Variants in LRBA observed in about 807,000 individuals in gnomAD.
The protein encoded by LRBA is LPS responsive beige-like anchor protein.
Under a neutral mutation model 330.0 loss-of-function variants are expected in LRBA, and 176 were observed. The observed-to-expected ratio is 0.53, with a 90% CI of 0.47 to 0.60. The LOEUF (loss-of-function observed/expected upper bound fraction) is 0.60. LRBA is among the 20% of genes least tolerant of loss of function. LRBA has a pLI of 0.00. For missense variants in LRBA, 3,259 were observed against 3,444.8 expected (o/e 0.95, Z 1.35); for synonymous variants, 1,230 against 1,193.0 (o/e 1.03, Z -0.64).
At chr4:150,453,475 C>A (rs540948058) in intron 44 of LRBA, among the ~76,000 whole-genome samples, 3 of 152,088 alleles carry the variant, frequency 2.0e-5, no homozygotes, top group Admixed American at 1.3e-4. Context: ...AAAAAATGAA[C>A]CTTAACTCTT....
At chr4:150,636,478 G>T (rs1248074239) in intron 37 of LRBA, among the ~76,000 whole-genome samples, 1 of 151,980 alleles carries the variant, frequency 6.6e-6, no homozygotes, top group Non-Finnish European at 1.5e-5. Context: ...GCACAAAAAG[G>T]TGCTATGAGC....
intron 47 of LRBA, among the ~76,000 whole-genome samples, chr4:150,353,725 C>T (rs899154444): frequency 3.9e-5 from 6 of 152,154 alleles, no homozygotes; most frequent in African/African-American, 1.2e-4. Context: ...ATGGTTCAGA[C>T]CTCACCTTAC....
At position 150,948,268 on chromosome 4, in the gene LRBA, G is replaced by A. The variant is rs375206492; in HGVS notation, c.217-19203C>T. On this transcript the variant is annotated intron_variant, in intron 2 of 56. Transcript: ENST00000651943. Reference sequence around the variant, plus strand: ...CAGCAATCAACACTGTGAGGAACTGGTGGAGGGGCAGACACATAAATCAAT... The same window carrying A: ...CAGCAATCAACACTGTGAGGAACTGATGGAGGGGCAGACACATAAATCAAT... 1.2e-4 allele frequency among the ~76,000 whole-genome samples: 19 copies of A among 152,150 alleles called. No individual in the cohort carries two copies. The South Asian group carries it at 3.9e-3, about 32-fold the overall frequency.
intron 52 of LRBA, among the ~76,000 whole-genome samples, chr4:150,309,838 T>A (rs1730829363): frequency 6.6e-6 from 1 of 152,192 alleles, no homozygotes; most frequent in African/African-American, 2.4e-5. Context: ...AATGAGTCTT[T>A]CAAGTAGGAA....
chr4:150,710,792 G>A (rs1403432108), intron 36 of LRBA, among the ~76,000 whole-genome samples: 2 of 151,906 alleles, frequency 1.3e-5, no homozygotes, highest in Non-Finnish European at 2.9e-5. Context: ...TACCAATAAC[G>A]TGAGGAAAGA....
chr4:150,851,680 T>C (rs1396692151), intron 23 of LRBA, among the ~76,000 whole-genome samples: 2 of 152,174 alleles, frequency 1.3e-5, no homozygotes, highest in Non-Finnish European at 2.9e-5. Flanking sequence ...GTAAAAATAG[T>C]AATAAAAACT....
At chr4:150,764,099 A>C (rs780865888) in intron 34 of LRBA, among the ~76,000 whole-genome samples, 1 of 152,018 alleles carries the variant, frequency 6.6e-6, no homozygotes, top group Non-Finnish European at 1.5e-5. Flanking sequence ...ACTTACAGAA[A>C]ACTTCAAAAT....
rs1381956990 is a variant in LRBA, at chr4:150,421,188, TA to T, written c.7042-5599del. On this transcript the variant is annotated intron_variant, in intron 46 of 56. Coordinates refer to ENST00000651943, the MANE Select transcript of LRBA (RefSeq NM_001364905.1). The stretch of plus-strand genomic sequence containing the variant: ...GTATATATAATACATAGATAATATA[TA>T]AAACATATATAATATATAAAGTATA... 8.9e-5 allele frequency among the ~76,000 whole-genome samples: 12 copies of T among 134,128 alleles called. No homozygotes were observed. The South Asian group carries it at 2.7e-3, about 30-fold the overall frequency. The allele number at this position is 134,128 out of a possible 152,430, so 88.0% of individuals were successfully genotyped here.
At chr4:150,345,042 T>TA (rs1204512892) in intron 48 of LRBA, among the ~76,000 whole-genome samples, 1 of 152,206 alleles carries the variant, frequency 6.6e-6, no homozygotes, top group Non-Finnish European at 1.5e-5. Context: ...CCAATGATCT[T>TA]ATTCATCCTT....
intron 36 of LRBA, among the ~76,000 whole-genome samples, chr4:150,685,435 T>TATATAC (rs1783524671): frequency 1.4e-5 from 1 of 73,384 alleles, no homozygotes; most frequent in African/African-American, 5.4e-5. Flanking sequence ...TTTTTTTTTT[T>TATATAC]TTTTTTTTTT....
chr4:150,479,271 C>T lies in LRBA; in HGVS notation c.6552-7532G>A, dbSNP rs550366308. On this transcript the variant is annotated intron_variant, in intron 42 of 56. Coordinates refer to ENST00000651943, the MANE Select transcript of LRBA (RefSeq NM_001364905.1). ...TCCAGCCTGGGTGACATAGCAAGAC[C>T]CTGCCTTTAAAAAAAAAGGACATCT... is the stretch of plus-strand genomic sequence containing the variant. 4.6e-5 allele frequency among the ~76,000 whole-genome samples: 7 copies of T among 152,062 alleles called. No homozygotes were observed. In the South Asian group the frequency reaches 1.5e-3, roughly 32 times the overall value.
intron 54 of LRBA, among the ~76,000 whole-genome samples, chr4:150,284,543 A>G (rs1189606792): frequency 1.3e-5 from 2 of 152,066 alleles, no homozygotes; most frequent in African/African-American, 4.8e-5. Flanking sequence ...TTTTGACAAA[A>G]TTATTCTTAG....
At chr4:150,338,452 G>A (rs1203196372) in intron 48 of LRBA, among the ~76,000 whole-genome samples, 1 of 152,104 alleles carries the variant, frequency 6.6e-6, no homozygotes, top group African/African-American at 2.4e-5. Context: ...AGATAATATT[G>A]TTCATATTAA....
rs1205114516 is a variant in LRBA at position 150,453,896 on chromosome 4, T to G, written c.6780+13777A>C. ...AAAAATTCAACCCTAAATGTAAGAATTCATAATAGTCCTTCATATTTCACT... is the reference window on the plus strand; with the variant it reads ...AAAAATTCAACCCTAAATGTAAGAAGTCATAATAGTCCTTCATATTTCACT... On this transcript the variant is annotated intron_variant, in intron 44 of 56. Transcript: ENST00000651943. Among the ~76,000 whole-genome samples the G allele has an allele frequency of 2.6e-5, 4 of 152,220 alleles. No homozygotes were observed. In the South Asian group the frequency reaches 6.2e-4, roughly 24 times the overall value.
chr4:150,704,371 CATT>C (rs914714803), intron 36 of LRBA, among the ~76,000 whole-genome samples: 4 of 151,240 alleles, frequency 2.6e-5, no homozygotes, highest in African/African-American at 4.9e-5. Context: ...TTATTATTAT[CATT>C]ATTATTATTA....
At chr4:150,853,187 T>C (rs1750817688) in intron 22 of LRBA, among the ~76,000 whole-genome samples, 1 of 152,130 alleles carries the variant, frequency 6.6e-6, no homozygotes. Flanking sequence ...AAGAACATAA[T>C]TATTTAGCCT....
intron 28 of LRBA, among the ~76,000 whole-genome samples, chr4:150,837,477 T>C (rs1274000552): frequency 6.6e-6 from 1 of 152,208 alleles, no homozygotes; most frequent in Non-Finnish European, 1.5e-5. Context: ...ACCTGGGTAC[T>C]CCTGTATTGG....
chr4:150,787,052 T>G (rs1739174994), intron 34 of LRBA, among the ~76,000 whole-genome samples: 1 of 152,098 alleles, frequency 6.6e-6, no homozygotes, highest in Non-Finnish European at 1.5e-5. Flanking sequence ...GCCAACATGG[T>G]GAAACCTTGT....
chr4:150,455,807 C>T (rs1487094055), intron 44 of LRBA, among the ~76,000 whole-genome samples: 1 of 151,920 alleles, frequency 6.6e-6, no homozygotes, highest in African/African-American at 2.4e-5. Flanking sequence ...ACCTATACTC[C>T]ATTCCCTCAC....
Sources: gnomAD v4.1 joint callset for allele counts (sites outside exome capture counted in the v4.1 genomes callset) on GRCh38, gnomAD v4.1.1 for gene constraint, MANE v1.5 for transcripts, NCBI Gene and HGNC (gene_info 2026-07-23, HGNC 2026-07-21) for gene names.